Variants in PDS5A observed in about 807,000 individuals in gnomAD.
The protein encoded by PDS5A is PDS5 cohesin associated factor A.
In PDS5A, 42 loss-of-function variants were observed where a neutral mutation model predicts 167.1. The observed-to-expected ratio is 0.25, with a 90% CI of 0.20 to 0.33. The LOEUF is 0.33. PDS5A is among the 10% of genes least tolerant of loss of function. The pLI is 1.00. For synonymous variants in PDS5A, 553 were observed against 554.6 expected (o/e 1.00, Z 0.04); for missense variants, 1,033 against 1,605.9 (o/e 0.64, Z 6.10).
chr4:39,973,566 T>C lies in PDS5A; in HGVS notation c.138+2874A>G. On this transcript the variant is annotated intron_variant, in intron 2 of 32. Coordinates refer to ENST00000303538, the MANE Select transcript of PDS5A (RefSeq NM_001100399.2). The stretch of plus-strand genomic sequence containing the variant: ...CTAGTGCAAAGGCTATGATGGAGGG[T>C]GGTCACAGCAAAGGGTTTGGTTTCG... 3.2e-6 allele frequency: 4 copies of C among 1,238,960 alleles called. No homozygotes were observed. In the South Asian group the frequency reaches 3.6e-5, roughly 11 times the overall value. 76.7% of individuals were successfully genotyped at this position (1,238,960 alleles called of 1,614,324 possible). A position where few individuals can be genotyped will look rare whatever the true frequency, so the allele number is the denominator to read the frequency against.
chr4:39,875,591 A>C (rs895087873), intron 19 of PDS5A, among the ~76,000 whole-genome samples: 2 of 152,182 alleles, frequency 1.3e-5, no homozygotes, highest in East Asian at 3.8e-4. Context: ...CTTTAACCAA[A>C]AATGGGAACA....
At chr4:39,871,079 C>A (rs1719985796) in intron 21 of PDS5A, among the ~76,000 whole-genome samples, 1 of 151,980 alleles carries the variant, frequency 6.6e-6, no homozygotes. Context: ...GGACAAATAT[C>A]ATATAAGAGA....
At chr4:39,928,230 A>AT (rs964086858) in intron 2 of PDS5A, 66 bp from the exon 3 acceptor site, 21 of 1,061,230 alleles carry the variant, frequency 2.0e-5, no homozygotes, top group South Asian at 9.2e-5. Context: ...GGAGGATGTG[A>AT]TTTAAAAAAA....
intron 3 of PDS5A, among the ~76,000 whole-genome samples, chr4:39,927,759 T>G (rs1156549986): frequency 6.6e-6 from 1 of 152,228 alleles, no homozygotes; most frequent in Non-Finnish European, 1.5e-5. Context: ...TACCTTTCTA[T>G]GCTTCAAATC....
At chr4:39,877,810 T>C (rs1720590399) in intron 18 of PDS5A, among the ~76,000 whole-genome samples, 1 of 152,088 alleles carries the variant, frequency 6.6e-6, no homozygotes, top group Admixed American at 6.6e-5. Flanking sequence ...TCTAGCTATG[T>C]TGCCCAGGCT....
chr4:39,961,684 G>A (rs1238430362), intron 2 of PDS5A, among the ~76,000 whole-genome samples: 2 of 152,024 alleles, frequency 1.3e-5, no homozygotes, highest in Non-Finnish European at 2.9e-5. Flanking sequence ...ATGTGGCACC[G>A]CACCCAGCCA....
chr4:39,836,032 G>A (rs1560413025), intron 32 of PDS5A, among the ~76,000 whole-genome samples: 1 of 152,118 alleles, frequency 6.6e-6, no homozygotes, highest in Non-Finnish European at 1.5e-5. Context: ...TATGTTAAGG[G>A]GTAAGGAAAC....
chr4:39,896,452 T>C (rs1376099121), intron 16 of PDS5A, among the ~76,000 whole-genome samples: 1 of 151,736 alleles, frequency 6.6e-6, no homozygotes, highest in African/African-American at 2.4e-5. Context: ...TATATCCTTA[T>C]TCTACTAGCT....
intron 2 of PDS5A, among the ~76,000 whole-genome samples, chr4:39,937,597 T>C (rs10433867): frequency 0.033 from 5,092 of 152,128 alleles, 214 homozygotes; most frequent in East Asian, 0.23. Flanking sequence ...TTTATTATTA[T>C]TGGTAGAGAT....
intron 3 of PDS5A, 64 bp downstream of exon 3, chr4:39,927,896 TA>T: frequency 9.0e-7 from 1 of 1,113,918 alleles, no homozygotes; most frequent in Non-Finnish European, 1.3e-6. Flanking sequence ...AATATAAAAA[TA>T]AAAGTATACC....
In PDS5A at chr4:39,904,525, G is replaced by A. The variant is rs1378509537; in HGVS notation, c.1234-334C>T. 2.6e-5 allele frequency among the ~76,000 whole-genome samples: 4 copies of A among 152,182 alleles called. No homozygotes were observed. In the East Asian group the frequency reaches 7.8e-4, roughly 30 times the overall value. On this transcript the variant is annotated intron_variant, in intron 11 of 32. Transcript: ENST00000303538. Reference sequence around the variant, plus strand: ...AATTTTTTATTTTTAGTAGAGACGGGGTTTCACCCTGTTAGCCAGGATGGT... The same window carrying A: ...AATTTTTTATTTTTAGTAGAGACGGAGTTTCACCCTGTTAGCCAGGATGGT...
intron 2 of PDS5A, among the ~76,000 whole-genome samples, chr4:39,953,946 G>A (rs1728652675): frequency 6.6e-6 from 1 of 152,110 alleles, no homozygotes; most frequent in South Asian, 2.1e-4. Context: ...TCCTAATGAA[G>A]TCAGAATGCC....
intron 14 of PDS5A, among the ~76,000 whole-genome samples, chr4:39,899,708 G>T (rs1440083322): frequency 2.0e-5 from 3 of 151,944 alleles, no homozygotes; most frequent in Non-Finnish European, 4.4e-5. Context: ...ACCTAGCTGG[G>T]TATGGTGGAG....
chr4:39,836,613 C>CT (rs1299199760), intron 32 of PDS5A, among the ~76,000 whole-genome samples: 330 of 78,576 alleles, frequency 4.2e-3, no homozygotes, highest in Admixed American at 6.1e-3. Context: ...GGATTTTTTT[C>CT]TATTTTTTTT....
At chr4:39,910,131 A>C in intron 10 of PDS5A, 113 bp downstream of exon 10, 2 of 552,456 alleles carry the variant, frequency 3.6e-6, no homozygotes, top group Non-Finnish European at 6.5e-6. Context: ...AAATGAAAAC[A>C]CGAGACCATA....
chr4:39,960,201 A>G (rs11097009), intron 2 of PDS5A, among the ~76,000 whole-genome samples: 95,299 of 151,988 alleles, frequency 0.63, 31,027 homozygotes, highest in Middle Eastern at 0.81. Flanking sequence ...CCCAGGAGGC[A>G]AAGGTTGCAG....
At chr4:39,943,431 A>C (rs2109770718) in intron 2 of PDS5A, among the ~76,000 whole-genome samples, 1 of 152,046 alleles carries the variant, frequency 6.6e-6, no homozygotes, top group South Asian at 2.1e-4. Context: ...GGTGCAGAAA[A>C]ATTAGATGCC....
Position 39,842,907 on chromosome 4 carries a change from TTTTATATATA to T in PDS5A, c.3549-861_3549-852del, listed in dbSNP as rs1377931399. Reference sequence around the variant, plus strand: ...TTAGAACAATGTAAACTTATCCTATTTTTATATATATATATATATATATATATATATTTTA... The same window carrying T: ...TTAGAACAATGTAAACTTATCCTATTTATATATATATATATATATATTTTA... On this transcript the variant is annotated intron_variant, in intron 30 of 32. Transcript: ENST00000303538. 3.9e-3 allele frequency among the ~76,000 whole-genome samples: 112 copies of T among 28,442 alleles called. 3 individuals carry two copies. The highest frequency in any genetic ancestry group is 0.02 in the African/African-American group (75 of 3,838). The allele number at this position is 28,442 out of a possible 152,430, so 18.7% of individuals were successfully genotyped here.
chr4:39,921,758 A>C lies in PDS5A; in HGVS notation c.654+864T>G, dbSNP rs111955560. ...CAGAGTGAGACCCTGTCCCAAAAAA[A>C]TACCACCAACCTACTTACCTAGTAT... On this transcript the variant is annotated intron_variant, in intron 6 of 32. Coordinates refer to ENST00000303538, the MANE Select transcript of PDS5A (RefSeq NM_001100399.2). Among the ~76,000 whole-genome samples, 646 of 152,176 alleles carry C rather than the reference A, an allele frequency of 4.2e-3. 6 individuals are homozygous for C. The highest frequency in any genetic ancestry group is 0.015 in the African/African-American group (614 of 41,526).
Sources: gnomAD v4.1 joint callset for allele counts (sites outside exome capture counted in the v4.1 genomes callset) on GRCh38, gnomAD v4.1.1 for gene constraint, MANE v1.5 for transcripts, NCBI Gene and HGNC (gene_info 2026-07-23, HGNC 2026-07-21) for gene names.